Variants in MSI2 observed in about 807,000 individuals in gnomAD.
MSI2 encodes musashi RNA binding protein 2, also known as RNA-binding protein Musashi homolog 2.
Under a neutral mutation model 45.6 loss-of-function variants are expected in MSI2, and 17 were observed. The observed-to-expected ratio is 0.37, with a 90% confidence interval of 0.26 to 0.56. MSI2 has a LOEUF of 0.56. Ranked by LOEUF, MSI2 falls within the 20% of genes least tolerant of loss-of-function variation. The pLI is 0.77. For missense variants in MSI2, 293 were observed against 444.2 expected (o/e 0.66, Z 3.06); for synonymous variants, 156 against 158.2 (o/e 0.99, Z 0.11).
At chr17:57,358,184 T>G (rs1310973399) in intron 5 of MSI2, among the ~76,000 whole-genome samples, 1 of 117,590 alleles carries the variant, frequency 8.5e-6, no homozygotes, top group African/African-American at 3.3e-5. Context: ...TCTTCGTGGG[T>G]TTTTCTGTGT....
intron 7 of MSI2, among the ~76,000 whole-genome samples, chr17:57,553,769 C>A (rs949498191): frequency 6.6e-6 from 1 of 152,148 alleles, no homozygotes; most frequent in Admixed American, 6.5e-5. Context: ...GTGTTTATCG[C>A]GAGAGAGCAG....
chr17:57,377,489 C>T (rs954611641), intron 5 of MSI2, among the ~76,000 whole-genome samples: 1 of 152,190 alleles, frequency 6.6e-6, no homozygotes, highest in Non-Finnish European at 1.5e-5. Flanking sequence ...CAGTTCAGTC[C>T]AGCAAGTGTT....
chr17:57,288,335 C>G (rs960446459), intron 5 of MSI2, among the ~76,000 whole-genome samples: 3 of 152,136 alleles, frequency 2.0e-5, no homozygotes, highest in Admixed American at 1.3e-4. Context: ...GTGCAGTTAC[C>G]GAACCCTACA....
chr17:57,485,005 TTGTC>T (rs757196850), intron 6 of MSI2, among the ~76,000 whole-genome samples: 103 of 152,328 alleles, frequency 6.8e-4, no homozygotes, highest in Middle Eastern at 3.4e-3. Flanking sequence ...GGCTGAGTCT[TTGTC>T]TGAGCAGATT....
intron 5 of MSI2, chr17:57,266,339 CTTA>C (rs1205345053): frequency 6.6e-6 from 1 of 152,044 alleles, no homozygotes; most frequent in Admixed American, 6.6e-5. Flanking sequence ...GTCTGTTGAT[CTTA>C]TTATTATAGA....
At chr17:57,605,687 G>A (rs112062532) in intron 8 of MSI2, among the ~76,000 whole-genome samples, 2 of 152,222 alleles carry the variant, frequency 1.3e-5, no homozygotes, top group African/African-American at 4.8e-5. Context: ...CTGGACTCTT[G>A]CCAATTTCTC....
chr17:57,587,978 C>T (rs1235231317), intron 7 of MSI2, among the ~76,000 whole-genome samples: 2 of 151,990 alleles, frequency 1.3e-5, no homozygotes, highest in East Asian at 1.9e-4. Context: ...CTGGTGTAAA[C>T]GAGGAAGCAG....
At chr17:57,317,278 C>G (rs575562623) in intron 5 of MSI2, among the ~76,000 whole-genome samples, 63 of 152,188 alleles carry the variant, frequency 4.1e-4, no homozygotes, top group African/African-American at 1.5e-3. Context: ...CAGCTTATAC[C>G]ACCAACTGAG....
rs187085490 is a variant in MSI2 at position 57,605,116 on chromosome 17, A to G, written c.537+8166A>G. On this transcript the variant is annotated intron_variant, in intron 8 of 13. Coordinates refer to ENST00000284073, the MANE Select transcript of MSI2 (RefSeq NM_138962.4). Reference sequence around the variant, plus strand: ...GAGAATGTCAAATGCAATATTAAACAAGCAGGATGAAGGCAAAAAAGGAAA... The same window carrying G: ...GAGAATGTCAAATGCAATATTAAACGAGCAGGATGAAGGCAAAAAAGGAAA... 2.2e-3 allele frequency among the ~76,000 whole-genome samples: 331 copies of G among 152,306 alleles called. 2 individuals are homozygous for G. The highest frequency in any genetic ancestry group is 7.5e-3 in the African/African-American group (310 of 41,568).
chr17:57,262,320 A>G, intron 5 of MSI2, 128 bp downstream of exon 5: 1 of 982,396 alleles, frequency 1.0e-6, no homozygotes, highest in Non-Finnish European at 1.6e-6. Flanking sequence ...GTATCAGGAC[A>G]GGCTGGGCAA....
At chr17:57,561,471 T>C (rs932266256) in intron 7 of MSI2, among the ~76,000 whole-genome samples, 14 of 152,204 alleles carry the variant, frequency 9.2e-5, no homozygotes, top group African/African-American at 3.4e-4. Context: ...CCTGTGTGAA[T>C]TGTGCTTGAA....
At chr17:57,617,358 T>C (rs1907818189) in intron 9 of MSI2, among the ~76,000 whole-genome samples, 1 of 152,168 alleles carries the variant, frequency 6.6e-6, no homozygotes, top group Non-Finnish European at 1.5e-5. Context: ...AGAAAATGTT[T>C]TTAAAAAGAG....
At chr17:57,286,041 AG>A in intron 5 of MSI2, 1 of 1,461,180 alleles carries the variant, frequency 6.8e-7, no homozygotes, top group Non-Finnish European at 9.1e-7. Flanking sequence ...TGTTCATATT[AG>A]CTAGCCAGCC....
At chr17:57,653,978 C>T (rs1271030618) in intron 11 of MSI2, among the ~76,000 whole-genome samples, 1 of 149,816 alleles carries the variant, frequency 6.7e-6, no homozygotes, top group African/African-American at 2.5e-5. Flanking sequence ...TGATTTGTAG[C>T]CATTTCCATC....
the MSI2 span, among the ~76,000 whole-genome samples, chr17:57,695,324 G>A: frequency 6.6e-6 from 1 of 152,212 alleles, no homozygotes; most frequent in Non-Finnish European, 1.5e-5. Flanking sequence ...GTATGACTCA[G>A]TCTCCCTCTC....
At chr17:57,395,524 A>C (rs535823582) in intron 5 of MSI2, among the ~76,000 whole-genome samples, 21 of 152,214 alleles carry the variant, frequency 1.4e-4, no homozygotes, top group African/African-American at 5.1e-4. Flanking sequence ...TGGTGGTGGC[A>C]AGAATGGTAG....
intron 8 of MSI2, among the ~76,000 whole-genome samples, chr17:57,597,672 T>C (rs188905924): frequency 3.3e-5 from 5 of 152,278 alleles, no homozygotes. Flanking sequence ...TCTCAATTCT[T>C]GGACTTTACA....
At chr17:57,324,857 T>G (rs566718488) in intron 5 of MSI2, among the ~76,000 whole-genome samples, 2 of 152,340 alleles carry the variant, frequency 1.3e-5, no homozygotes, top group East Asian at 3.9e-4. Flanking sequence ...GGGCAGGGAC[T>G]GACTGGGCCA....
At chr17:57,512,209 T>C (rs2086371102) in intron 6 of MSI2, among the ~76,000 whole-genome samples, 1 of 152,212 alleles carries the variant, frequency 6.6e-6, no homozygotes, top group East Asian at 1.9e-4. Context: ...AGGACAGGAA[T>C]CAAGTCTTCC....
Sources: allele counts gnomAD v4.1 joint callset (sites outside exome capture counted in the v4.1 genomes callset), GRCh38; gene constraint gnomAD v4.1.1; transcripts MANE v1.5; gene names NCBI Gene and HGNC (gene_info 2026-07-23, HGNC 2026-07-21).